TMTC2: variants seen among roughly 807,000 people sequenced by gnomAD.
The protein encoded by TMTC2 is protein O-mannosyl-transferase TMTC2.
Under a neutral mutation model 82.4 loss-of-function variants are expected in TMTC2, and 43 were observed. The observed-to-expected ratio is 0.52, with a 90% CI of 0.41 to 0.67. The LOEUF (loss-of-function observed/expected upper bound fraction) is 0.67. TMTC2 is among the 30% of genes least tolerant of loss of function. The pLI is 0.00. For synonymous variants in TMTC2, 408 were observed against 381.9 expected (o/e 1.07, Z -0.80); for missense variants, 919 against 1,012.4 (o/e 0.91, Z 1.25).
intron 1 of TMTC2, among the ~76,000 whole-genome samples, chr12:82,717,986 C>G (rs1334391733): frequency 6.6e-6 from 1 of 152,122 alleles, no homozygotes. Flanking sequence ...GTAGCAGGAG[C>G]AAAAGAGTGC....
At chr12:82,924,382 TAC>T (rs1875578339) in intron 3 of TMTC2, among the ~76,000 whole-genome samples, 2 of 152,218 alleles carry the variant, frequency 1.3e-5, no homozygotes, top group South Asian at 4.1e-4. Context: ...TTGTGGGTTA[TAC>T]AGTGACGTTT....
At chr12:82,994,680 A>G (rs1233286617) in intron 8 of TMTC2, among the ~76,000 whole-genome samples, 2 of 151,356 alleles carry the variant, frequency 1.3e-5, no homozygotes, top group South Asian at 2.1e-4. Flanking sequence ...TTGGATACAC[A>G]TTTTTGTTGA....
At chr12:82,728,046 T>C (rs968476904) in intron 1 of TMTC2, among the ~76,000 whole-genome samples, 5 of 152,140 alleles carry the variant, frequency 3.3e-5, no homozygotes, top group Non-Finnish European at 5.9e-5. Context: ...AGTCTTCCTC[T>C]CTTACACTGT....
At chr12:83,129,626 A>G (rs1885200957) in intron 11 of TMTC2, among the ~76,000 whole-genome samples, 2 of 152,218 alleles carry the variant, frequency 1.3e-5, no homozygotes, top group Non-Finnish European at 2.9e-5. Context: ...TTTAACCTTA[A>G]AAAGGCTAGA....
intron 11 of TMTC2, among the ~76,000 whole-genome samples, chr12:83,100,048 T>C (rs1185990734): frequency 6.6e-6 from 1 of 151,716 alleles, no homozygotes; most frequent in African/African-American, 2.4e-5. Context: ...GCCTCCCGAG[T>C]AGCTGGGATT....
At chr12:83,132,102 C>A in intron 11 of TMTC2, 108 bp from the exon 12 acceptor site, 1 of 1,323,072 alleles carries the variant, frequency 7.6e-7, no homozygotes. Context: ...CACAAAATGC[C>A]TCTAGACATA....
At chr12:82,949,384 A>G (rs1362905727) in intron 4 of TMTC2, among the ~76,000 whole-genome samples, 1 of 152,194 alleles carries the variant, frequency 6.6e-6, no homozygotes, top group African/African-American at 2.4e-5. Context: ...CTTGAAAGAG[A>G]TTTGACTGTG....
At chr12:82,914,507 T>C (rs1270467189) in intron 3 of TMTC2, among the ~76,000 whole-genome samples, 1 of 152,174 alleles carries the variant, frequency 6.6e-6, no homozygotes, top group Admixed American at 6.5e-5. Context: ...TAAGATGCAA[T>C]CTTTAGGATT....
At chr12:82,917,552 A>G (rs936736677) in intron 3 of TMTC2, among the ~76,000 whole-genome samples, 6 of 152,082 alleles carry the variant, frequency 3.9e-5, no homozygotes, top group Non-Finnish European at 5.9e-5. Context: ...AGGAGAGATC[A>G]CATATGCATA....
At chr12:83,114,325 A>G (rs998623444) in intron 11 of TMTC2, among the ~76,000 whole-genome samples, 8 of 152,136 alleles carry the variant, frequency 5.3e-5, no homozygotes, top group African/African-American at 1.7e-4. Context: ...AAGGAAGGCC[A>G]TGCGAAAACA....
chr12:82,895,080 G>T (rs1873591743), intron 2 of TMTC2, among the ~76,000 whole-genome samples: 1 of 150,874 alleles, frequency 6.6e-6, no homozygotes, highest in Admixed American at 6.6e-5. Context: ...GCCTCCCAAA[G>T]TTCTGGGATT....
chr12:83,092,659 G>T (rs942350876), intron 11 of TMTC2, among the ~76,000 whole-genome samples: 1 of 152,074 alleles, frequency 6.6e-6, no homozygotes, highest in East Asian at 1.9e-4. Flanking sequence ...GTGTATAATA[G>T]GTTGTTTTGC....
At chr12:82,875,877 A>G (rs571074365) in intron 2 of TMTC2, among the ~76,000 whole-genome samples, 1 of 148,610 alleles carries the variant, frequency 6.7e-6, no homozygotes, top group South Asian at 2.1e-4. Context: ...AAGCACTTCT[A>G]TCATGAAGGA....
At chr12:82,712,535 A>G (rs545615788) in intron 1 of TMTC2, among the ~76,000 whole-genome samples, 1 of 152,020 alleles carries the variant, frequency 6.6e-6, no homozygotes, top group East Asian at 1.9e-4. Flanking sequence ...GGGTCTCCAA[A>G]TCATGCTGCG....
chr12:82,755,146 A>G lies in TMTC2; in HGVS notation c.83+67477A>G, dbSNP rs1303604309. On this transcript the variant is annotated intron_variant, in intron 1 of 11. Transcript: ENST00000321196. Reference sequence around the variant, plus strand: ...TTCATCAGTGTTGTGGGGAAATGTGATTTAAATTCTGATTACTGGAAGCCT... The same window carrying G: ...TTCATCAGTGTTGTGGGGAAATGTGGTTTAAATTCTGATTACTGGAAGCCT... 2.0e-5 allele frequency among the ~76,000 whole-genome samples: 3 copies of G among 152,318 alleles called. No individual in the cohort carries two copies. The East Asian group carries it at 5.8e-4, about 29-fold the overall frequency.
chr12:82,909,597 C>T (rs1340590704), intron 3 of TMTC2, among the ~76,000 whole-genome samples: 1 of 152,164 alleles, frequency 6.6e-6, no homozygotes, highest in Non-Finnish European at 1.5e-5. Flanking sequence ...GCCTCAGCCT[C>T]CCAAAGTGCT....
chr12:82,718,808 A>C (rs368202576), intron 1 of TMTC2, among the ~76,000 whole-genome samples: 15,405 of 152,028 alleles, frequency 0.1, 901 homozygotes, highest in East Asian at 0.23. Flanking sequence ...GTAGTATACC[A>C]TAGGAAAATA....
chr12:82,783,776 A>C (rs1351191004), intron 1 of TMTC2, among the ~76,000 whole-genome samples: 1 of 152,052 alleles, frequency 6.6e-6, no homozygotes, highest in Non-Finnish European at 1.5e-5. Context: ...CTTCTGCAGT[A>C]AATGAAGTGA....
intron 1 of TMTC2, among the ~76,000 whole-genome samples, chr12:82,781,050 A>AT (rs1185481643): frequency 2.0e-5 from 3 of 151,926 alleles, no homozygotes; most frequent in Admixed American, 6.6e-5. Context: ...AGTTTTAGAT[A>AT]TTTTTTTACC....
Sources: gnomAD v4.1 joint callset for allele counts (sites outside exome capture counted in the v4.1 genomes callset) on GRCh38, gnomAD v4.1.1 for gene constraint, MANE v1.5 for transcripts, NCBI Gene and HGNC (gene_info 2026-07-23, HGNC 2026-07-21) for gene names.